GMDS: variants seen among roughly 807,000 people sequenced by gnomAD.
GMDS encodes the protein GDP-mannose 4,6 dehydratase.
A neutral mutation model predicts 49.9 loss-of-function variants in GMDS; 20 were observed. That is an observed-to-expected ratio of 0.40 (90% CI 0.28 to 0.58). GMDS has a LOEUF of 0.58. Among genes scored for constraint, GMDS ranks in the 20% least tolerant of loss-of-function variants. The pLI is 0.42. For missense variants in GMDS, 362 were observed against 481.4 expected (o/e 0.75, Z 2.32); for synonymous variants, 177 against 178.6 (o/e 0.99, Z 0.07).
At chr6:2,151,794 C>T (rs1404586869) in intron 1 of GMDS, among the ~76,000 whole-genome samples, 2 of 151,978 alleles carry the variant, frequency 1.3e-5, no homozygotes, top group East Asian at 3.8e-4. Flanking sequence ...TCTTTAAATC[C>T]ATTCATCTTA....
At chr6:1,810,165 G>T (rs1770358090) in intron 7 of GMDS, among the ~76,000 whole-genome samples, 1 of 152,168 alleles carries the variant, frequency 6.6e-6, no homozygotes, top group Non-Finnish European at 1.5e-5. Context: ...CTGGCTAACT[G>T]CGTATGTCAC....
intron 7 of GMDS, among the ~76,000 whole-genome samples, chr6:1,888,744 G>A (rs1759735717): frequency 6.6e-6 from 1 of 152,158 alleles, no homozygotes; most frequent in African/African-American, 2.4e-5. Context: ...CTTCTGCCTA[G>A]AAGCCTGCAA....
intron 7 of GMDS, among the ~76,000 whole-genome samples, chr6:1,860,864 G>A (rs913029827): frequency 6.6e-6 from 1 of 152,166 alleles, no homozygotes; most frequent in South Asian, 2.1e-4. Flanking sequence ...TGATGGGAAG[G>A]AGAGAGGAAC....
chr6:1,886,863 T>C (rs1035928827), intron 7 of GMDS, among the ~76,000 whole-genome samples: 4 of 152,218 alleles, frequency 2.6e-5, no homozygotes, highest in Non-Finnish European at 5.9e-5. Context: ...CACTAACAAT[T>C]GGCAGATTTT....
chr6:2,170,791 C>A (rs1338502227), intron 1 of GMDS, among the ~76,000 whole-genome samples: 1 of 151,950 alleles, frequency 6.6e-6, no homozygotes, highest in Non-Finnish European at 1.5e-5. Flanking sequence ...GTCAGGAGAT[C>A]GAGACCATCC....
chr6:1,869,413 G>A lies in GMDS; in HGVS notation c.771+60690C>T, dbSNP rs531049185. On this transcript the variant is annotated intron_variant, in intron 7 of 10. Coordinates refer to ENST00000380815, the MANE Select transcript of GMDS (RefSeq NM_001500.4). Reference sequence around the variant, plus strand: ...CTCTATGGTGATCTAATTTGAGGCCGATTGAGGGTTTAGACAGCAAAGAAG... The same window carrying A: ...CTCTATGGTGATCTAATTTGAGGCCAATTGAGGGTTTAGACAGCAAAGAAG... 6.6e-5 allele frequency among the ~76,000 whole-genome samples: 10 copies of A among 152,246 alleles called. No individual in the cohort carries two copies. The East Asian group carries it at 1.5e-3, about 24-fold the overall frequency.
At chr6:2,063,891 T>A (rs1345926316) in intron 4 of GMDS, among the ~76,000 whole-genome samples, 1 of 152,186 alleles carries the variant, frequency 6.6e-6, no homozygotes, top group Non-Finnish European at 1.5e-5. Flanking sequence ...TATGAGCAGT[T>A]TAAAAGAACA....
At chr6:1,872,621 G>T (rs1561857503) in intron 7 of GMDS, among the ~76,000 whole-genome samples, 2 of 152,278 alleles carry the variant, frequency 1.3e-5, no homozygotes, top group Middle Eastern at 3.4e-3. Context: ...TATTTATTAC[G>T]AGCCACACAT....
intron 6 of GMDS, among the ~76,000 whole-genome samples, chr6:1,959,152 A>C (rs1026738356): frequency 1.3e-5 from 2 of 152,192 alleles, no homozygotes; most frequent in Non-Finnish European, 2.9e-5. Context: ...AGACACATTA[A>C]ATTCTAGTGT....
intron 7 of GMDS, among the ~76,000 whole-genome samples, chr6:1,785,144 G>C (rs1235175662): frequency 6.6e-6 from 1 of 152,186 alleles, no homozygotes; most frequent in African/African-American, 2.4e-5. Context: ...TTTTCTAACA[G>C]AGAGTTATAT....
intron 4 of GMDS, among the ~76,000 whole-genome samples, chr6:2,036,176 TTCA>T (rs1346354889): frequency 6.6e-6 from 1 of 152,146 alleles, no homozygotes; most frequent in Non-Finnish European, 1.5e-5. Context: ...GAACTCCCTT[TTCA>T]AGTCAATGAA....
intron 9 of GMDS, among the ~76,000 whole-genome samples, chr6:1,634,176 G>A (rs954636312): frequency 2.0e-5 from 3 of 152,166 alleles, no homozygotes; most frequent in East Asian, 1.9e-4. Flanking sequence ...CCACTGCAGC[G>A]GGACTGCACC....
At chr6:1,819,774 AAAATAT>A (rs1227981075) in intron 7 of GMDS, among the ~76,000 whole-genome samples, 20 of 123,780 alleles carry the variant, frequency 1.6e-4, no homozygotes, top group Admixed American at 7.5e-4. Flanking sequence ...AAAAAAAAAA[AAAATAT>A]ATATATATAT....
chr6:1,852,306 G>T (rs943345620), intron 7 of GMDS, among the ~76,000 whole-genome samples: 10 of 152,154 alleles, frequency 6.6e-5, no homozygotes, highest in Non-Finnish European at 1.0e-4. Flanking sequence ...TGCATGCCAA[G>T]AACTTAAAAT....
intron 7 of GMDS, among the ~76,000 whole-genome samples, chr6:1,856,415 C>T (rs1757940565): frequency 6.6e-6 from 1 of 152,182 alleles, no homozygotes; most frequent in South Asian, 2.1e-4. Flanking sequence ...CTCCTCCTGG[C>T]CCTGAAAACA....
At chr6:2,234,734 T>C (rs57905784) in intron 1 of GMDS, among the ~76,000 whole-genome samples, 2,581 of 152,312 alleles carry the variant, frequency 0.017, 56 homozygotes, top group African/African-American at 0.056. Flanking sequence ...TCAAAAATGA[T>C]AGGAGTAATC....
chr6:1,818,229 T>C (rs1770746800), intron 7 of GMDS, among the ~76,000 whole-genome samples: 1 of 152,158 alleles, frequency 6.6e-6, no homozygotes, highest in African/African-American at 2.4e-5. Context: ...TTAGCCAAGA[T>C]AAGACATAGT....
intron 9 of GMDS, among the ~76,000 whole-genome samples, chr6:1,659,669 C>T (rs1764003007): frequency 6.6e-6 from 1 of 152,080 alleles, no homozygotes; most frequent in Admixed American, 6.5e-5. Context: ...CCCCCCTGCC[C>T]CATACTCCCA....
At chr6:2,178,264 A>T (rs1451923943) in intron 1 of GMDS, among the ~76,000 whole-genome samples, 1 of 152,178 alleles carries the variant, frequency 6.6e-6, no homozygotes, top group Non-Finnish European at 1.5e-5. Flanking sequence ...TAATTGGCTC[A>T]CGGTTCCACA....
Sources: allele counts gnomAD v4.1 joint callset (sites outside exome capture counted in the v4.1 genomes callset), GRCh38; gene constraint gnomAD v4.1.1; transcripts MANE v1.5; gene names NCBI Gene and HGNC (gene_info 2026-07-23, HGNC 2026-07-21).